Variants in GDAP1L1 observed in about 807,000 individuals in gnomAD.
GDAP1L1 encodes ganglioside-induced differentiation-associated protein 1-like 1.
In GDAP1L1, 21 loss-of-function variants were observed where a neutral mutation model predicts 37.1. The observed-to-expected ratio is 0.57, with a 90% CI of 0.40 to 0.81. GDAP1L1 has a LOEUF of 0.81. Among genes scored for constraint, GDAP1L1 ranks in the 40% least tolerant of loss-of-function variants. The pLI is 0.00. For missense variants in GDAP1L1, 362 were observed against 491.6 expected (o/e 0.74, Z 2.49); for synonymous variants, 193 against 209.1 (o/e 0.92, Z 0.67).
At chr20:44,276,403 GAA>G (rs1280436191) in intron 5 of GDAP1L1, among the ~76,000 whole-genome samples, 16 of 43,758 alleles carry the variant, frequency 3.7e-4, no homozygotes, top group African/African-American at 1.5e-3. Flanking sequence ...GAAAGGGAAA[GAA>G]AAAAGAAAAA....
rs925787621 is a variant in GDAP1L1, at chr20:44,280,261, C to T, written c.*961C>T. The T allele has an allele frequency of 1.1e-4, 17 of 157,134 alleles. No homozygotes were observed. Among genetic ancestry groups the T allele is most frequent in the African/African-American group, 4.1e-4 (17 of 41,480 alleles). The allele number at this position is 157,134 out of a possible 1,614,324, so 9.7% of individuals were successfully genotyped here. On this transcript the variant is annotated 3_prime_UTR_variant, in exon 6 of 6. Coordinates refer to ENST00000342560, the MANE Select transcript of GDAP1L1 (RefSeq NM_024034.6). ...GAAGTCTCTGCATCCATGCCACCCA[C>T]CCCAGTCGGGTCTCACTTTCCTGTG...
At position 44,263,289 on chromosome 20, in the gene GDAP1L1, C is replaced by A; in HGVS notation, c.607C>A (p.Leu203Ile). Reference protein sequence around the residue: ...MKLDHEEEPQLSEPYLSKQKK... With the variant: ...MKLDHEEEPQISEPYLSKQKK... ...ACTGGACCATGAAGAGGAGCCCCAG[C>A]TCTCCGAGCCCTACCTTTCTAAACA... The change falls in exon 4 of 6, where the codon CTC (leucine) becomes ATC (isoleucine). Residue 203 changes from leucine (L) to isoleucine (I), a missense_variant. Leu to Ile is a conservative substitution (Grantham distance 5). Coordinates refer to ENST00000342560, the MANE Select transcript of GDAP1L1 (RefSeq NM_024034.6). 6.2e-7 allele frequency: 1 copy of A among 1,614,160 alleles called. No individual in the cohort carries two copies. Among genetic ancestry groups the A allele is most frequent in the Non-Finnish European group, 8.5e-7 (1 of 1,180,004 alleles).
chr20:44,260,914 C>G (rs1157530305), intron 3 of GDAP1L1, among the ~76,000 whole-genome samples: 2 of 152,190 alleles, frequency 1.3e-5, no homozygotes, highest in Non-Finnish European at 2.9e-5. Context: ...GATCTCTCCT[C>G]TGAGGGAAGA....
At chr20:44,276,523 C>T (rs1171857436) in intron 5 of GDAP1L1, among the ~76,000 whole-genome samples, 1 of 151,974 alleles carries the variant, frequency 6.6e-6, no homozygotes, top group African/African-American at 2.4e-5. Context: ...AGAAGCCAGT[C>T]TTGGGAGCAG....
Position 44,257,147 on chromosome 20 carries a change from C to T in GDAP1L1, c.181-6C>T, listed in dbSNP as rs759715167. 3 of 1,580,770 alleles carry T rather than the reference C, an allele frequency of 1.9e-6. No homozygotes were observed. The highest frequency in any genetic ancestry group is 1.8e-5 in the Admixed American group (1 of 56,172). On this transcript the variant is annotated splice_region_variant and splice_polypyrimidine_tract_variant and intron_variant, in intron 1 of 5. Transcript: ENST00000342560. Reference sequence around the variant, plus strand: ...GCCTTCCCCGCTCTGACCCTGGCGCCTGCAGGTGCGGCTGGTGATCGCCGA... The same window carrying T: ...GCCTTCCCCGCTCTGACCCTGGCGCTTGCAGGTGCGGCTGGTGATCGCCGA...
intron 5 of GDAP1L1, among the ~76,000 whole-genome samples, chr20:44,276,355 A>AAGG (rs1555801117): frequency 7.7e-6 from 1 of 130,240 alleles, no homozygotes; most frequent in Non-Finnish European, 1.6e-5. Flanking sequence ...AGAAAGAAGG[A>AAGG]AAGGAAGGAA....
chr20:44,247,628 T>TG (rs997785273), intron 1 of GDAP1L1, 114 bp downstream of exon 1: 7 of 1,021,574 alleles, frequency 6.9e-6, no homozygotes, highest in Non-Finnish European at 9.6e-6. Context: ...ACCTGGGGTT[T>TG]GGGGGTCCCG....
chr20:44,256,786 C>G (rs1213429092), intron 1 of GDAP1L1, among the ~76,000 whole-genome samples: 2 of 152,164 alleles, frequency 1.3e-5, no homozygotes, highest in African/African-American at 4.8e-5. Flanking sequence ...GTCCCAGACA[C>G]TGGGTTGGTA....
Position 44,279,075 on chromosome 20 carries a change from C to T in GDAP1L1, c.879C>T (p.Gly293=). The T allele has an allele frequency of 6.2e-7, 1 of 1,614,150 alleles. No individual in the cohort carries two copies. The highest frequency in any genetic ancestry group is 8.5e-7 in the Non-Finnish European group (1 of 1,179,964). Reference sequence around the variant, plus strand: ...TGTCCAAGAAATACTGGGAAGATGGCAGCCGGCCCAACCTGCAGTCCTTCT... The same window carrying T: ...TGTCCAAGAAATACTGGGAAGATGGTAGCCGGCCCAACCTGCAGTCCTTCT... The part of the protein sequence containing the change: ...LGLSKKYWED[G]SRPNLQSFFE... Residue 293 remains glycine, a synonymous_variant, in exon 6 of 6, where the codon GGC becomes GGT. Transcript: ENST00000342560.
At position 44,279,831 on chromosome 20, in the gene GDAP1L1, G is replaced by A. The variant is rs2062623606; in HGVS notation, c.*531G>A. The A allele has an allele frequency of 2.1e-6, 1 of 469,318 alleles. No individual in the cohort carries two copies. Among genetic ancestry groups the A allele is most frequent in the Non-Finnish European group, 4.4e-6 (1 of 226,384 alleles). The allele number at this position is 469,318 out of a possible 1,614,324, so 29.1% of individuals were successfully genotyped here. ...ATGGGAGGTCCCTGAAGATCAGAAG[G>A]GGCTTCACGCTTCTCCTGGACATGG... On this transcript the variant is annotated 3_prime_UTR_variant, in exon 6 of 6. Transcript: ENST00000342560.
upstream of GDAP1L1, chr20:44,247,280 G>C (rs1324288383): frequency 1.3e-6 from 2 of 1,581,224 alleles, no homozygotes; most frequent in Non-Finnish European, 1.7e-6. Flanking sequence ...TGCTGGGCGA[G>C]AGAGAGCCGC....
At chr20:44,264,974 G>C in intron 5 of GDAP1L1, 4 of 985,330 alleles carry the variant, frequency 4.1e-6, no homozygotes, top group Non-Finnish European at 4.8e-6. Flanking sequence ...GATGGGTCCA[G>C]TGTTGTTTCC....
chr20:44,265,694 A>T (rs2073750695), intron 5 of GDAP1L1, among the ~76,000 whole-genome samples: 1 of 152,164 alleles, frequency 6.6e-6, no homozygotes. Context: ...TATACTCAGC[A>T]CACTGCCTGT....
At position 44,247,902 on chromosome 20, in the gene GDAP1L1, G is replaced by T. The variant is rs534769338; in HGVS notation, c.180+388G>T. On this transcript the variant is annotated intron_variant, in intron 1 of 5. Transcript: ENST00000342560. ...GCTGCTGCGGGGAGGGAGAAGAAGC[G>T]CTACTTGGGGTCCAGCCTCGGTAGC... Among the ~76,000 whole-genome samples, 5 of 152,154 alleles carry T rather than the reference G, an allele frequency of 3.3e-5. No homozygotes were observed. The East Asian group carries it at 9.7e-4, about 29-fold the overall frequency.
intron 3 of GDAP1L1, among the ~76,000 whole-genome samples, chr20:44,259,887 A>G (rs192990923): frequency 6.6e-6 from 1 of 152,312 alleles, no homozygotes; most frequent in East Asian, 1.9e-4. Flanking sequence ...GGGGACAAAC[A>G]GGAATAGACA....
At chr20:44,253,150 T>G (rs982248571) in intron 1 of GDAP1L1, among the ~76,000 whole-genome samples, 2 of 152,204 alleles carry the variant, frequency 1.3e-5, no homozygotes, top group African/African-American at 4.8e-5. Context: ...TATTTTCTCT[T>G]TTTTTGGACG....
Position 44,247,416 on chromosome 20 carries a change from G to A in GDAP1L1, c.82G>A (p.Ala28Thr), listed in dbSNP as rs370601048. 3 of 1,611,340 alleles carry A rather than the reference G, an allele frequency of 1.9e-6. No individual in the cohort carries two copies. The highest frequency in any genetic ancestry group is 2.5e-6 in the Non-Finnish European group (3 of 1,179,304). Reference sequence around the variant, plus strand: ...GCTGGAGAGCGATGCGGCCAAGCCAGCGGAGGCCCCCGACGCTCCCGAGGC... The same window carrying A: ...GCTGGAGAGCGATGCGGCCAAGCCAACGGAGGCCCCCGACGCTCCCGAGGC... ...SALESDAAKP[A>T]EAPDAPEAAS... Residue 28 changes from alanine (A) to threonine (T), a missense_variant, in exon 1 of 6, where the codon GCG becomes ACG. By Grantham distance (58) the Ala-to-Thr change is moderately conservative (BLOSUM62 0). Around this residue, in one of 2 missense-constraint regions of GDAP1L1, gnomAD observed 277 missense variants for 337.1 expected, o/e 0.82. Transcript: ENST00000342560.
At chr20:44,249,181 A>G (rs2073391999) in intron 1 of GDAP1L1, among the ~76,000 whole-genome samples, 1 of 152,006 alleles carries the variant, frequency 6.6e-6, no homozygotes, top group Non-Finnish European at 1.5e-5. Flanking sequence ...GACTACAGGC[A>G]TATGCCACCA....
chr20:44,277,982 T>A, intron 5 of GDAP1L1, among the ~76,000 whole-genome samples: 1 of 151,812 alleles, frequency 6.6e-6, no homozygotes, highest in East Asian at 1.9e-4. Context: ...TGTGAAACCC[T>A]GTTTCTACTA....
Sources: gnomAD v4.1 joint callset for allele counts (sites outside exome capture counted in the v4.1 genomes callset) on GRCh38, gnomAD v4.1.1 for gene constraint, gnomAD v4.1.1 regional missense constraint, MANE v1.5 for transcripts, NCBI Gene and HGNC (gene_info 2026-07-23, HGNC 2026-07-21) for gene names.